Variants in RBFOX3 observed in about 807,000 individuals in gnomAD.
RBFOX3 encodes the protein RNA binding protein fox-1 homolog 3.
A neutral mutation model predicts 48.7 loss-of-function variants in RBFOX3; 17 were observed. That is an observed-to-expected ratio of 0.35 (90% CI 0.24 to 0.52). RBFOX3 has a LOEUF of 0.52. RBFOX3 is among the 20% of genes least tolerant of loss of function. The pLI is 0.94. For synonymous variants in RBFOX3, 212 were observed against 209.5 expected, an observed-to-expected ratio of 1.01 and a Z score of -0.10; for missense variants, 382 against 497.5, an observed-to-expected ratio of 0.77 and a Z score of 2.21.
At chr17:79,178,730 G>T (rs2051167195) in intron 4 of RBFOX3, among the ~76,000 whole-genome samples, 1 of 152,250 alleles carries the variant, frequency 6.6e-6, no homozygotes, top group Admixed American at 6.5e-5. Flanking sequence ...CGGATGCGTG[G>T]CTCAAAGCAA....
chr17:79,405,205 G>A (rs1330349692), intron 2 of RBFOX3, among the ~76,000 whole-genome samples: 1 of 152,084 alleles, frequency 6.6e-6, no homozygotes, highest in African/African-American at 2.4e-5. Flanking sequence ...CCACCAGCTC[G>A]ATGCAACTGG....
the RBFOX3 span, among the ~76,000 whole-genome samples, chr17:79,649,975 G>A: frequency 1.3e-5 from 2 of 152,240 alleles, no homozygotes; most frequent in African/African-American, 2.4e-5. Context: ...CAAAGGGTGG[G>A]TGCTAACCCA....
intron 1 of RBFOX3, among the ~76,000 whole-genome samples, chr17:79,591,825 G>A (rs1053408064): frequency 4.6e-5 from 7 of 151,816 alleles, no homozygotes; most frequent in Non-Finnish European, 8.8e-5. Flanking sequence ...GGGTGTGCAC[G>A]TGTGGAGGGT....
intron 5 of RBFOX3, among the ~76,000 whole-genome samples, chr17:79,114,364 G>A (rs2033161813): frequency 1.3e-5 from 2 of 152,192 alleles, no homozygotes; most frequent in Admixed American, 1.3e-4. Flanking sequence ...AAAGGCTGAT[G>A]GTCTCGGGGC....
intron 1 of RBFOX3, among the ~76,000 whole-genome samples, chr17:79,499,276 C>T (rs1555776276): frequency 6.6e-6 from 1 of 152,054 alleles, no homozygotes; most frequent in African/African-American, 2.4e-5. Flanking sequence ...AACCACCCAC[C>T]CATCTACCAT....
intron 2 of RBFOX3, among the ~76,000 whole-genome samples, chr17:79,323,726 T>C (rs1299373261): frequency 6.6e-6 from 1 of 152,232 alleles, no homozygotes; most frequent in Non-Finnish European, 1.5e-5. Flanking sequence ...TGGCCAGAGA[T>C]GGCTGCGTGC....
At chr17:79,234,935 T>C (rs2061470165) in intron 4 of RBFOX3, 1 of 152,094 alleles carries the variant, frequency 6.6e-6, no homozygotes, top group South Asian at 2.1e-4. Flanking sequence ...TTTCGCCATG[T>C]TGGCCAGGCT....
intron 5 of RBFOX3, among the ~76,000 whole-genome samples, chr17:79,112,915 TG>T (rs1189871020): frequency 0.024 from 1,440 of 60,222 alleles, 60 homozygotes; most frequent in African/African-American, 0.1. Context: ...GGGGGGGGGG[TG>T]GGCTGGGTAG....
In RBFOX3 at chr17:79,235,789, G is replaced by A. The variant is rs962119710; in HGVS notation, c.-57C>T. On this transcript the variant is annotated 5_prime_UTR_variant, in exon 4 of 15. Transcript: ENST00000693108. ...ACCTTTTATTCAGCCAATTTTCCCC[G>A]AGGCACTCTGGGCTCTCTAAGAAAA... The A allele has an allele frequency of 2.6e-5, 4 of 153,748 alleles. No homozygotes were observed. The highest frequency in any genetic ancestry group is 6.5e-5 in the Admixed American group (1 of 15,286). 9.5% of individuals were successfully genotyped at this position (153,748 alleles called of 1,614,324 possible).
intron 1 of RBFOX3, among the ~76,000 whole-genome samples, chr17:79,553,368 T>C (rs1054792277): frequency 1.3e-5 from 2 of 152,260 alleles, no homozygotes; most frequent in African/African-American, 2.4e-5. Flanking sequence ...TTGGATCCTA[T>C]TTGGTAATCT....
Position 79,423,003 on chromosome 17 carries a change from G to C in RBFOX3, c.-175+59451C>G, listed in dbSNP as rs1197520532. ...CAGGGAGAAGGCGGCATCTACACCA[G>C]AAAGAGTCCTCACAGGCACGGGACA... On this transcript the variant is annotated intron_variant, in intron 2 of 14. Coordinates refer to ENST00000693108, the MANE Select transcript of RBFOX3 (RefSeq NM_001350451.2). This position sits in a 1 kb window ranked among gnomAD's most constrained non-coding sequence, Gnocchi z 4.9. Among the ~76,000 whole-genome samples, 1 of 152,158 alleles carries C rather than the reference G, an allele frequency of 6.6e-6. No homozygotes were observed. Among genetic ancestry groups the C allele is most frequent in the Non-Finnish European group, 1.5e-5 (1 of 68,014 alleles).
chr17:79,194,044 T>TG (rs1453612919), intron 4 of RBFOX3, among the ~76,000 whole-genome samples: 3 of 152,196 alleles, frequency 2.0e-5, no homozygotes, highest in Non-Finnish European at 2.9e-5. Context: ...ACCGAAACCC[T>TG]GATGTTCTCC....
chr17:79,108,448 G>A (rs1291306952), intron 5 of RBFOX3, among the ~76,000 whole-genome samples: 2 of 152,234 alleles, frequency 1.3e-5, no homozygotes, highest in South Asian at 4.1e-4. Flanking sequence ...GCCACTTTCC[G>A]GAGGGCATCT....
intron 2 of RBFOX3, among the ~76,000 whole-genome samples, chr17:79,420,390 C>T (rs920958252): frequency 5.9e-5 from 9 of 152,296 alleles, no homozygotes; most frequent in Non-Finnish European, 8.8e-5. Flanking sequence ...CCAATTAGAA[C>T]GCCCCCACCC....
chr17:79,350,861 C>A (rs2146979210), intron 2 of RBFOX3, among the ~76,000 whole-genome samples: 1 of 152,344 alleles, frequency 6.6e-6, no homozygotes, highest in South Asian at 2.1e-4. Context: ...GACTCTCCCA[C>A]CTTCCAGTGC....
At chr17:79,503,723 TC>T (rs2082681297) in intron 1 of RBFOX3, among the ~76,000 whole-genome samples, 1 of 151,968 alleles carries the variant, frequency 6.6e-6, no homozygotes, top group South Asian at 2.1e-4. Context: ...GTTGTAGGGG[TC>T]CACTGGGAGG....
chr17:79,274,863 C>T (rs941195802), intron 3 of RBFOX3, among the ~76,000 whole-genome samples: 5 of 152,060 alleles, frequency 3.3e-5, no homozygotes, highest in African/African-American at 1.2e-4. Context: ...TCAGCCCTGC[C>T]TCCAAAACCA....
intron 1 of RBFOX3, among the ~76,000 whole-genome samples, chr17:79,566,121 G>A (rs1300950732): frequency 6.6e-6 from 1 of 152,138 alleles, no homozygotes; most frequent in Non-Finnish European, 1.5e-5. Context: ...CGAGACATCA[G>A]CAGCCACAAG....
At chr17:79,164,966 T>A (rs1459423900) in intron 4 of RBFOX3, among the ~76,000 whole-genome samples, 2 of 152,274 alleles carry the variant, frequency 1.3e-5, no homozygotes, top group Admixed American at 1.3e-4. Flanking sequence ...AAATGAACCC[T>A]CAGAATAACA....
Sources: allele counts gnomAD v4.1 joint callset (sites outside exome capture counted in the v4.1 genomes callset), GRCh38; gene constraint gnomAD v4.1.1; non-coding constraint Gnocchi (gnomAD v3.1); transcripts MANE v1.5; gene names NCBI Gene and HGNC (gene_info 2026-07-23, HGNC 2026-07-21).